Variants in DKK3 observed in about 807,000 individuals in gnomAD.
DKK3 encodes the protein dickkopf-related protein 3.
DKK3 carries 22 observed loss-of-function variants against 33.2 expected under a neutral mutation model. That is an observed-to-expected ratio of 0.66 (90% CI 0.47 to 0.95). The LOEUF (loss-of-function observed/expected upper bound fraction) is 0.95, where lower values mean the gene tolerates loss of function less well. DKK3 is among the 40% of genes least tolerant of loss of function. The pLI is 0.00. For synonymous variants in DKK3, 194 were observed against 188.8 expected (o/e 1.03, Z -0.23); for missense variants, 398 against 458.4 (o/e 0.87, Z 1.20).
intron 3 of DKK3, among the ~76,000 whole-genome samples, chr11:11,982,212 C>T (rs146269889): frequency 7.2e-5 from 11 of 152,162 alleles, no homozygotes; most frequent in East Asian, 1.9e-4. Context: ...GTGTCAGGGG[C>T]GTGGGGACAG....
rs1268661230 is a variant in DKK3, at chr11:12,008,534, C to T, written c.49G>A (p.Val17Ile). The change falls in exon 1 of 7, where the codon GTC becomes ATC. Residue 17 changes from valine to isoleucine, a missense_variant. By Grantham distance (29) the Val-to-Ile change is conservative. Transcript: ENST00000683431. The surrounding 1 kb of genome is among the most constrained non-coding windows in gnomAD (Gnocchi z 4.6). ...TLLCLLLAAA[V>I]PTAPAPAPTA... ...GGAGCGGGCGCGGGGGCCGTGGGGA[C>T]CGCCGCCGCCAGCAGCAGGCACAGC... 1 of 1,555,346 alleles carries T rather than the reference C, an allele frequency of 6.4e-7. No homozygotes were observed. Among genetic ancestry groups the T allele is most frequent in the Non-Finnish European group, 8.6e-7 (1 of 1,158,048 alleles).
At chr11:12,006,414 C>T (rs758044782) in intron 1 of DKK3, among the ~76,000 whole-genome samples, 100 of 152,230 alleles carry the variant, frequency 6.6e-4, no homozygotes, top group Non-Finnish European at 1.2e-3. Flanking sequence ...ACTCGGAACG[C>T]CACTGCCAGT....
At chr11:11,973,607 T>C (rs2135012504) in intron 3 of DKK3, among the ~76,000 whole-genome samples, 1 of 152,298 alleles carries the variant, frequency 6.6e-6, no homozygotes, top group Non-Finnish European at 1.5e-5. Context: ...AATGCAGTCA[T>C]TCAGAGGATG....
At chr11:12,007,354 CCT>C (rs2133340552) in intron 1 of DKK3, among the ~76,000 whole-genome samples, 1 of 152,314 alleles carries the variant, frequency 6.6e-6, no homozygotes, top group Admixed American at 6.5e-5. Context: ...ACGGCTGGCT[CCT>C]CTCTATAGAC....
chr11:11,964,725 G>T (rs767584922), intron 6 of DKK3, 39 bp from the exon 7 acceptor site: 1 of 1,592,152 alleles, frequency 6.3e-7, no homozygotes. Flanking sequence ...CTAAACGTGG[G>T]AGCCTGCCCA....
In DKK3 at chr11:11,998,767, G is replaced by T. The variant is rs1848356152; in HGVS notation, c.364C>A (p.Gln122Lys). The change falls in exon 3 of 7, where the codon CAG becomes AAG. Residue 122 changes from glutamine to lysine, a missense_variant. Gln to Lys is a moderately conservative substitution (Grantham distance 53). Transcript: ENST00000683431. ...HREIHKITNNQTGQMVFSETV... is the reference protein window; with the variant it reads ...HREIHKITNNKTGQMVFSETV... ...TCTGAAAAGACCATTTGTCCAGTCT[G>T]GTTGTTGGTTATCTACAGTAAAACA... 6.2e-7 allele frequency: 1 copy of T among 1,614,024 alleles called. No individual in the cohort carries two copies. The highest frequency in any genetic ancestry group is 8.5e-7 in the Non-Finnish European group (1 of 1,179,882).
chr11:12,004,856 G>A (rs536643666), intron 1 of DKK3, among the ~76,000 whole-genome samples: 1 of 152,226 alleles, frequency 6.6e-6, no homozygotes, highest in Non-Finnish European at 1.5e-5. Flanking sequence ...AGTTCTGAAG[G>A]GAATGGGTAG....
At chr11:11,986,865 A>G (rs1342650738) in intron 3 of DKK3, among the ~76,000 whole-genome samples, 3 of 152,270 alleles carry the variant, frequency 2.0e-5, no homozygotes, top group Non-Finnish European at 4.4e-5. Context: ...CTGGGTATAC[A>G]GCCCAGCAAA....
chr11:11,982,561 A>T (rs1233152784), intron 3 of DKK3, among the ~76,000 whole-genome samples: 2 of 152,124 alleles, frequency 1.3e-5, no homozygotes, highest in African/African-American at 2.4e-5. Flanking sequence ...TTTGGGACAC[A>T]CCAGAATTGG....
intron 1 of DKK3, among the ~76,000 whole-genome samples, chr11:12,006,591 C>T (rs1201295532): frequency 6.6e-6 from 1 of 152,112 alleles, no homozygotes; most frequent in Non-Finnish European, 1.5e-5. Flanking sequence ...AAACTTCAAC[C>T]CCCCAACCTA....
At chr11:11,978,158 G>A (rs1045291624) in intron 3 of DKK3, among the ~76,000 whole-genome samples, 2 of 152,198 alleles carry the variant, frequency 1.3e-5, no homozygotes, top group Non-Finnish European at 2.9e-5. Flanking sequence ...AAGAGAGAAA[G>A]TGGGGTTGGC....
upstream of DKK3, chr11:12,008,677 G>A (rs1201098936): frequency 2.1e-4 from 110 of 530,200 alleles, no homozygotes; most frequent in Non-Finnish European, 2.6e-4. The surrounding 1 kb of genome is among the most constrained non-coding windows in gnomAD (Gnocchi z 4.6). Flanking sequence ...GCCCCGCCCC[G>A]TTCCGCCCCG....
At chr11:11,970,845 T>C (rs1230577132) in intron 3 of DKK3, among the ~76,000 whole-genome samples, 1 of 152,222 alleles carries the variant, frequency 6.6e-6, no homozygotes, top group Non-Finnish European at 1.5e-5. Context: ...CTCTTTGCTT[T>C]TAGCCCAGTG....
intron 3 of DKK3, among the ~76,000 whole-genome samples, chr11:11,983,400 T>C (rs958876594): frequency 2.6e-5 from 4 of 152,226 alleles, no homozygotes; most frequent in Non-Finnish European, 4.4e-5. Flanking sequence ...TCATATTTTG[T>C]ATTTTCTCTG....
chr11:11,986,795 C>A, intron 3 of DKK3, among the ~76,000 whole-genome samples: 1 of 152,172 alleles, frequency 6.6e-6, no homozygotes, highest in Non-Finnish European at 1.5e-5. Flanking sequence ...GTGCCCTCAT[C>A]TATAAAATAA....
intron 3 of DKK3, among the ~76,000 whole-genome samples, chr11:11,983,437 C>G (rs1288705906): frequency 6.6e-6 from 1 of 152,184 alleles, no homozygotes; most frequent in Non-Finnish European, 1.5e-5. Flanking sequence ...AGGGCTGGAG[C>G]CTTCGGTGGG....
chr11:11,964,559 C>A lies in DKK3; in HGVS notation c.958G>T (p.Glu320Ter), dbSNP rs751011348. 1.9e-5 allele frequency: 30 copies of A among 1,614,096 alleles called. No individual in the cohort carries two copies. Among genetic ancestry groups the A allele is most frequent in the East Asian group, 8.9e-5 (4 of 44,900 alleles). ...VGSFMEEVRQELEDLERSLTE... is the reference protein window; with the variant it reads ...VGSFMEEVRQ ...AGGCTCCTCTCCAGGTCCTCCAGCT[C>A]CTGGCGCACCTCCTCCATGAAGCTG... The change falls in exon 7 of 7, where the codon GAG becomes TAG. Residue 320 changes from glutamate to a stop codon, truncating the protein, a stop_gained. Coordinates refer to ENST00000683431, the MANE Select transcript of DKK3 (RefSeq NM_001018057.2). LOFTEE classifies it high-confidence loss of function.
upstream of DKK3, chr11:12,008,955 T>TC: frequency 9.8e-7 from 1 of 1,016,222 alleles, no homozygotes; most frequent in Non-Finnish European, 1.2e-6. The surrounding 1 kb of genome is among the most constrained non-coding windows in gnomAD (Gnocchi z 4.6). Flanking sequence ...CTAGACTCTG[T>TC]CCCCGGTTCA....
chr11:11,974,098 G>T (rs1847781913), intron 3 of DKK3, among the ~76,000 whole-genome samples: 1 of 152,236 alleles, frequency 6.6e-6, no homozygotes, highest in Non-Finnish European at 1.5e-5. Flanking sequence ...CTCCTCTCAA[G>T]CCCATGGCTC....
Sources: gnomAD v4.1 joint callset for allele counts (sites outside exome capture counted in the v4.1 genomes callset) on GRCh38, gnomAD v4.1.1 for gene constraint, Gnocchi (gnomAD v3.1) non-coding constraint, MANE v1.5 for transcripts, NCBI Gene and HGNC (gene_info 2026-07-23, HGNC 2026-07-21) for gene names.